The following MAN1A2 variants were observed in gnomAD, a reference collection of about 807,000 sequenced individuals.
MAN1A2 encodes the protein mannosidase alpha class 1A member 2, also known as mannosyl-oligosaccharide 1,2-alpha-mannosidase IB.
A neutral mutation model predicts 75.7 loss-of-function variants in MAN1A2; 26 were observed. The ratio of observed to expected loss-of-function variants is 0.34; its 90% CI spans 0.25 to 0.48. The LOEUF (loss-of-function observed/expected upper bound fraction) is 0.48, where lower values mean the gene tolerates loss of function less well. Ranked by LOEUF, MAN1A2 falls within the 20% of genes least tolerant of loss-of-function variation. MAN1A2 has a pLI of 0.99. For missense variants in MAN1A2, 562 were observed against 775.5 expected (o/e 0.72, Z 3.27); for synonymous variants, 247 against 264.6 (o/e 0.93, Z 0.65).
At chr1:117,420,446 G>A in intron 4 of MAN1A2, 123 bp from the exon 5 acceptor site, 2 of 684,194 alleles carry the variant, frequency 2.9e-6, no homozygotes, top group Non-Finnish European at 5.0e-6. Flanking sequence ...GAGAAATGAA[G>A]ATGCAGAAAG....
intron 5 of MAN1A2, among the ~76,000 whole-genome samples, chr1:117,423,101 G>T (rs557908747): frequency 1.2e-4 from 18 of 152,196 alleles, no homozygotes; most frequent in African/African-American, 4.3e-4. Flanking sequence ...ATGCTGTGAG[G>T]TATAAGTTGA....
chr1:117,419,977 T>A (rs1440414949), intron 4 of MAN1A2, among the ~76,000 whole-genome samples: 1 of 152,060 alleles, frequency 6.6e-6, no homozygotes, highest in East Asian at 1.9e-4. Flanking sequence ...TTTTTAAACA[T>A]TTATTTCCAA....
intron 1 of MAN1A2, among the ~76,000 whole-genome samples, chr1:117,396,930 T>C (rs752278336): frequency 7.9e-5 from 12 of 151,832 alleles, no homozygotes; most frequent in Non-Finnish European, 1.6e-4. Context: ...GTACTAATCA[T>C]AGAGGTTTTT....
chr1:117,463,016 A>T (rs1313776577), intron 7 of MAN1A2, among the ~76,000 whole-genome samples: 1 of 152,068 alleles, frequency 6.6e-6, no homozygotes. Flanking sequence ...GAAGTACTTC[A>T]TCAACAGAGA....
chr1:117,420,765 C>A, intron 5 of MAN1A2, 116 bp downstream of exon 5: 1 of 722,674 alleles, frequency 1.4e-6, no homozygotes, highest in Admixed American at 2.6e-5. Context: ...TTGAACCAGT[C>A]TAGAACTGGT....
intron 8 of MAN1A2, among the ~76,000 whole-genome samples, chr1:117,487,323 C>T (rs968036685): frequency 7.3e-5 from 11 of 151,652 alleles, no homozygotes; most frequent in Non-Finnish European, 2.9e-5. Context: ...GTGGAGTATC[C>T]CTAGAAAATG....
intron 1 of MAN1A2, among the ~76,000 whole-genome samples, chr1:117,379,913 A>G (rs1021742902): frequency 3.3e-5 from 5 of 151,882 alleles, no homozygotes; most frequent in African/African-American, 7.3e-5. Context: ...GGTTGTTTCT[A>G]CCTTTTGGCT....
At chr1:117,439,528 C>T (rs936292636) in intron 5 of MAN1A2, among the ~76,000 whole-genome samples, 1 of 151,428 alleles carries the variant, frequency 6.6e-6, no homozygotes, top group Non-Finnish European at 1.5e-5. Flanking sequence ...GAGTCTTGCT[C>T]TGTTGCCCAG....
Position 117,504,694 on chromosome 1 carries a change from G to A in MAN1A2, c.1793+1724G>A, listed in dbSNP as rs1435314047. ...GATCCAGTATGGGATCATTTGTTAC[G>A]TTTGGTTGTCATCGTCTCTTTAGTC... On this transcript the variant is annotated intron_variant, in intron 12 of 12. Coordinates refer to ENST00000356554, the MANE Select transcript of MAN1A2 (RefSeq NM_006699.5). Among the ~76,000 whole-genome samples the A allele has an allele frequency of 2.0e-5, 3 of 151,306 alleles. No homozygotes were observed. In the East Asian group the frequency reaches 5.8e-4, roughly 29 times the overall value.
chr1:117,492,203 A>G, intron 8 of MAN1A2, among the ~76,000 whole-genome samples: 1 of 152,050 alleles, frequency 6.6e-6, no homozygotes, highest in East Asian at 1.9e-4. Flanking sequence ...CTGCAGAGAA[A>G]TCAAACAGGA....
rs572307478 is a variant in MAN1A2 at position 117,523,100 on chromosome 1, C to T, written c.*143C>T. The stretch of plus-strand genomic sequence containing the variant: ...AACTATTCCCCCTAAGACTGTTCAA[C>T]TTGTAGATACATCAACTTTGAAATT... On this transcript the variant is annotated 3_prime_UTR_variant, in exon 13 of 13. Coordinates refer to ENST00000356554, the MANE Select transcript of MAN1A2 (RefSeq NM_006699.5). The T allele has an allele frequency of 5.8e-6, 5 of 855,340 alleles. No homozygotes were observed. The highest frequency in any genetic ancestry group is 9.7e-6 in the Non-Finnish European group (5 of 514,038). The allele number at this position is 855,340 out of a possible 1,614,324, so 53.0% of individuals were successfully genotyped here. A position where few individuals can be genotyped will look rare whatever the true frequency, so the allele number is the denominator to read the frequency against.
intron 1 of MAN1A2, among the ~76,000 whole-genome samples, chr1:117,396,967 G>A (rs1653923175): frequency 6.6e-6 from 1 of 150,846 alleles, no homozygotes; most frequent in Non-Finnish European, 1.5e-5. Context: ...GTTCCAGGTT[G>A]TAGTGTGAGG....
At chr1:117,430,884 G>T (rs1488933629) in intron 5 of MAN1A2, among the ~76,000 whole-genome samples, 5 of 123,912 alleles carry the variant, frequency 4.0e-5, no homozygotes, top group Non-Finnish European at 6.8e-5. Context: ...GTTGTAGCGA[G>T]CCGAGATCAC....
chr1:117,518,391 T>C (rs985559194), intron 12 of MAN1A2, among the ~76,000 whole-genome samples: 11 of 152,096 alleles, frequency 7.2e-5, no homozygotes, highest in African/African-American at 2.7e-4. Flanking sequence ...AGGGATGTAG[T>C]ATATTTTAAA....
intron 5 of MAN1A2, among the ~76,000 whole-genome samples, chr1:117,423,749 T>A (rs1158060325): frequency 6.6e-6 from 1 of 152,172 alleles, no homozygotes; most frequent in East Asian, 1.9e-4. Context: ...ACTATCATTT[T>A]AAAAAAGTGC....
Position 117,526,880 on chromosome 1 carries a change from C to CTATATATATATATATATATATATA in MAN1A2, c.*3929_*3952dup, listed in dbSNP as rs59022844. 7 of 54,520 alleles carry CTATATATATATATATATATATATA rather than the reference C, an allele frequency of 1.3e-4. No individual in the cohort carries two copies. The highest frequency in any genetic ancestry group is 6.4e-4 in the South Asian group (1 of 1,566). The allele number at this position is 54,520 out of a possible 1,614,324, so 3.4% of individuals were successfully genotyped here. A position where few individuals can be genotyped will look rare whatever the true frequency, so the allele number is the denominator to read the frequency against. On this transcript the variant is annotated 3_prime_UTR_variant, in exon 13 of 13. Coordinates refer to ENST00000356554, the MANE Select transcript of MAN1A2 (RefSeq NM_006699.5). ...TCTCTCTCTCTCTCTCTCTCTCTCTCTATATATATATATATATATATATAT... is the reference window on the plus strand; with the variant it reads ...TCTCTCTCTCTCTCTCTCTCTCTCTCTATATATATATATATATATATATATATATATATATATATATATATATAT...
At chr1:117,446,341 C>T (rs923723369) in intron 6 of MAN1A2, among the ~76,000 whole-genome samples, 4 of 151,818 alleles carry the variant, frequency 2.6e-5, no homozygotes, top group African/African-American at 9.7e-5. Context: ...TTTTCTGGCT[C>T]CTTACATTGG....
chr1:117,420,449 G>A, intron 4 of MAN1A2, 120 bp from the exon 5 acceptor site: 1 of 702,080 alleles, frequency 1.4e-6, no homozygotes, highest in Non-Finnish European at 2.4e-6. Flanking sequence ...AAATGAAGAT[G>A]CAGAAAGTAG....
At chr1:117,431,028 T>G (rs74985053) in intron 5 of MAN1A2, among the ~76,000 whole-genome samples, 3 of 119,170 alleles carry the variant, frequency 2.5e-5, no homozygotes, top group Admixed American at 8.3e-5. Context: ...GCCAACACAG[T>G]GAAACCCCGT....
Sources: gnomAD v4.1 joint callset for allele counts (sites outside exome capture counted in the v4.1 genomes callset) on GRCh38, gnomAD v4.1.1 for gene constraint, MANE v1.5 for transcripts, NCBI Gene and HGNC (gene_info 2026-07-23, HGNC 2026-07-21) for gene names.